The following NAV1 variants were observed in gnomAD, a reference collection of about 807,000 sequenced individuals.
NAV1 encodes pore membrane and/or filament interacting like protein 3.
A neutral mutation model predicts 175.2 loss-of-function variants in NAV1; 18 were observed. The ratio of observed to expected loss-of-function variants is 0.10; its 90% CI spans 0.07 to 0.15. NAV1 has a LOEUF of 0.15. NAV1 is among the 10% of genes least tolerant of loss of function. NAV1 has a pLI of 1.00. For synonymous variants in NAV1, 897 were observed against 978.7 expected (o/e 0.92, Z 1.56); for missense variants, 1,731 against 2,436.6 (o/e 0.71, Z 6.10).
chr1:201,540,096 C>A (rs1478124340), intron 1 of NAV1, among the ~76,000 whole-genome samples: 2 of 152,220 alleles, frequency 1.3e-5, no homozygotes, highest in Non-Finnish European at 2.9e-5. Flanking sequence ...GATAAAGAAG[C>A]AGCTAAGTTT....
chr1:201,594,690 G>C (rs1434442157), intron 2 of NAV1, among the ~76,000 whole-genome samples: 1 of 152,240 alleles, frequency 6.6e-6, no homozygotes, highest in Non-Finnish European at 1.5e-5. Context: ...GAGGTGAAGT[G>C]AGTGAGGGGC....
chr1:201,749,842 T>G (rs1279838703), intron 3 of NAV1, among the ~76,000 whole-genome samples: 1 of 152,136 alleles, frequency 6.6e-6, no homozygotes, highest in African/African-American at 2.4e-5. Flanking sequence ...TCGAGGCTGC[T>G]GCATTGAGCC....
intron 1 of NAV1, among the ~76,000 whole-genome samples, chr1:201,706,709 G>A (rs896008261): frequency 1.3e-5 from 2 of 152,220 alleles, no homozygotes; most frequent in Admixed American, 1.3e-4. Flanking sequence ...CAGTCTAGAA[G>A]TCAGGTGCAA....
intron 2 of NAV1, among the ~76,000 whole-genome samples, chr1:201,609,036 T>G (rs140791393): frequency 2.8e-4 from 43 of 152,310 alleles, no homozygotes; most frequent in African/African-American, 1.0e-3. Flanking sequence ...TGGAATTGCT[T>G]GCCCCGCTTT....
chr1:201,606,199 C>T (rs1171454827), intron 2 of NAV1, among the ~76,000 whole-genome samples: 1 of 152,206 alleles, frequency 6.6e-6, no homozygotes, highest in African/African-American at 2.4e-5. Flanking sequence ...AGCACTTAGG[C>T]ACTGCCTTTC....
At chr1:201,727,387 G>A (rs957456215) in intron 3 of NAV1, among the ~76,000 whole-genome samples, 7 of 152,206 alleles carry the variant, frequency 4.6e-5, no homozygotes, top group African/African-American at 1.7e-4. Flanking sequence ...ATTTTTACCT[G>A]TTCACACAAT....
exon 7 of NAV1, chr1:201,783,467 A>G: frequency 6.2e-7 from 1 of 1,614,170 alleles, no homozygotes; most frequent in South Asian, 1.1e-5. Context: ...GGTCAACTCC[A>G]ACAGTCTGGA....
chr1:201,810,632 G>A lies in NAV1; in HGVS notation c.4671G>A (p.Ser1557=), dbSNP rs1678633048. 6.2e-6 allele frequency: 10 copies of A among 1,613,980 alleles called. No individual in the cohort carries two copies. Among genetic ancestry groups the A allele is most frequent in the South Asian group, 3.3e-5 (3 of 91,064 alleles). ...TGAAGCACCGGCGCCTCGTCCTCTC[G>A]GGCCCCAGCGGCACGGGCAAGACCT... is the stretch of plus-strand genomic sequence containing the variant. Residue 1557 remains serine, a synonymous_variant, in exon 24 of 30, where the codon TCG becomes TCA. Coordinates refer to ENST00000367296, the Ensembl canonical transcript of NAV1. This position sits in a 1 kb window ranked among gnomAD's most constrained non-coding sequence, Gnocchi z 6.0.
In NAV1 at chr1:201,564,159, A is replaced by AAGGC. The variant is rs934292327; in HGVS notation, c.-143-24358_-143-24355dup. Among the ~76,000 whole-genome samples, 40 of 150,502 alleles carry AAGGC rather than the reference A, an allele frequency of 2.7e-4. 1 individual carries two copies. The highest frequency in any genetic ancestry group is 1.3e-3 in the South Asian group (6 of 4,768). On this transcript the variant is annotated intron_variant, in intron 1 of 33. Transcript: ENST00000685211. ...GGAGGGAGGAAGAAAGGAAGGAAGG[A>AAGGC]AGGCAGGCAGGCAGGCAGGCAGGCA...
chr1:201,664,303 C>A (rs1484412276), intron 1 of NAV1, among the ~76,000 whole-genome samples: 26 of 152,190 alleles, frequency 1.7e-4, no homozygotes, highest in Non-Finnish European at 3.1e-4. Flanking sequence ...GATCGCGTCA[C>A]TGCACTCCAG....
chr1:201,598,705 TAGA>T (rs1667431350), intron 2 of NAV1, among the ~76,000 whole-genome samples: 1 of 152,122 alleles, frequency 6.6e-6, no homozygotes, highest in East Asian at 1.9e-4. Context: ...TTCCCCCGAC[TAGA>T]AGGAGCTGAG....
Position 201,808,553 on chromosome 1 carries a change from G to A in NAV1, c.3981G>A (p.Glu1327=), listed in dbSNP as rs1571514045. The change falls in exon 19 of 30, where the codon GAG becomes GAA. Residue 1327 remains glutamate (E), a synonymous_variant. Transcript: ENST00000367296. The surrounding 1 kb of genome is among the most constrained non-coding windows in gnomAD (Gnocchi z 5.5). ...TGAAGCTTACAGACATCCGCTTGGA[G>A]GCCCTCAACTCTGCCCACCAACTGG... 3 of 1,614,264 alleles carry A rather than the reference G, an allele frequency of 1.9e-6. No homozygotes were observed. The highest frequency in any genetic ancestry group is 2.5e-6 in the Non-Finnish European group (3 of 1,180,052).
intron 1 of NAV1, among the ~76,000 whole-genome samples, chr1:201,650,031 A>G (rs929247994): frequency 6.6e-6 from 1 of 152,224 alleles, no homozygotes; most frequent in Admixed American, 6.5e-5. Flanking sequence ...ATCTGGGCGC[A>G]TGTCCGATAC....
intron 14 of NAV1, 78 bp downstream of exon 18, chr1:201,793,953 T>A: frequency 7.8e-7 from 1 of 1,279,348 alleles, no homozygotes. Flanking sequence ...AAGCTGACCA[T>A]CTGTTCTTGC....
chr1:201,614,350 C>A (rs1209782723), intron 2 of NAV1, among the ~76,000 whole-genome samples: 1 of 152,238 alleles, frequency 6.6e-6, no homozygotes, highest in East Asian at 1.9e-4. Context: ...GCACCACGGC[C>A]GCCGCCCAGT....
chr1:201,696,676 G>A (rs565531137), intron 1 of NAV1, among the ~76,000 whole-genome samples: 1 of 152,302 alleles, frequency 6.6e-6, no homozygotes, highest in East Asian at 1.9e-4. Flanking sequence ...GTCAGGAAGG[G>A]CCTCCTGGCG....
rs539640698 is a variant in NAV1, at chr1:201,641,170, G to A, written c.5-7464G>A. ...TAGAGCTGTCCAGGCCCAAATCCTT[G>A]GGGGACATTCTTGGTTCCTCTCTTT... On this transcript the variant is annotated intron_variant, in intron 2 of 29. Coordinates refer to the NAV1 transcript ENST00000367302. Among the ~76,000 whole-genome samples the A allele has an allele frequency of 2.0e-5, 3 of 152,214 alleles. No individual in the cohort carries two copies. The East Asian group carries it at 5.8e-4, about 29-fold the overall frequency.
chr1:201,781,590 A>G (rs1021140578), intron 5 of NAV1, among the ~76,000 whole-genome samples: 3 of 152,084 alleles, frequency 2.0e-5, no homozygotes, highest in African/African-American at 7.2e-5. Flanking sequence ...ATGTTTAGAG[A>G]CTAGTTTGGC....
At chr1:201,775,717 G>A (rs1165196572) in intron 3 of NAV1, among the ~76,000 whole-genome samples, 3 of 152,180 alleles carry the variant, frequency 2.0e-5, no homozygotes, top group Non-Finnish European at 4.4e-5. Context: ...TTGAAAGAAA[G>A]AACAGTATGC....
Sources: gnomAD v4.1 joint callset for allele counts (sites outside exome capture counted in the v4.1 genomes callset) on GRCh38, gnomAD v4.1.1 for gene constraint, Gnocchi (gnomAD v3.1) non-coding constraint, MANE v1.5 for transcripts, NCBI Gene and HGNC (gene_info 2026-07-23, HGNC 2026-07-21) for gene names.